Variants in SLC9B2 observed in about 807,000 individuals in gnomAD.
SLC9B2 encodes sodium/hydrogen exchanger 9B2.
Under a neutral mutation model 52.2 loss-of-function variants are expected in SLC9B2, and 39 were observed. The ratio of observed to expected loss-of-function variants is 0.75; its 90% CI spans 0.58 to 0.98. The LOEUF (loss-of-function observed/expected upper bound fraction) is 0.98. Ranked by LOEUF, SLC9B2 falls within the 50% of genes least tolerant of loss-of-function variation. SLC9B2 has a pLI of 0.00. For missense variants in SLC9B2, 626 were observed against 637.5 expected (o/e 0.98, Z 0.19); for synonymous variants, 214 against 227.0 (o/e 0.94, Z 0.51).
Position 103,047,122 on chromosome 4 carries a change from G to A in SLC9B2, c.818C>T (p.Ala273Val), listed in dbSNP as rs1004043221. ...CAGAATGTCATCGAAGCTGCCAGCTGCCATGAGCAAGGTTGGGACACCCTT... is the reference window on the plus strand; with the variant it reads ...CAGAATGTCATCGAAGCTGCCAGCTACCATGAGCAAGGTTGGGACACCCTT... ...VEKGVPTLLM[A>V]AGSFDDILAI... The change falls in exon 7 of 12, where the codon GCA becomes GTA. Residue 273 changes from alanine to valine, a missense_variant. Coordinates refer to ENST00000394785, the MANE Select transcript of SLC9B2 (RefSeq NM_178833.7). 1 of 1,614,036 alleles carries A rather than the reference G, an allele frequency of 6.2e-7. No individual in the cohort carries two copies. Among genetic ancestry groups the A allele is most frequent in the Non-Finnish European group, 8.5e-7 (1 of 1,179,948 alleles).
intron 8 of SLC9B2, 80 bp downstream of exon 8, chr4:103,044,810 C>T: frequency 8.9e-7 from 1 of 1,124,636 alleles, no homozygotes; most frequent in Non-Finnish European, 1.3e-6. Flanking sequence ...TCCTTCACAT[C>T]TGTCTTTGAA....
At chr4:103,041,612 C>T (rs1743650677) in intron 9 of SLC9B2, among the ~76,000 whole-genome samples, 1 of 152,132 alleles carries the variant, frequency 6.6e-6, no homozygotes, top group Non-Finnish European at 1.5e-5. Flanking sequence ...ATTGCTCCTT[C>T]TCATTGTTTA....
chr4:103,062,377 C>T (rs538513690), intron 3 of SLC9B2, among the ~76,000 whole-genome samples: 35 of 151,524 alleles, frequency 2.3e-4, no homozygotes, highest in African/African-American at 8.5e-4. Context: ...CGAGATCGAG[C>T]CATTGCACTC....
At chr4:103,072,920 T>G (rs914729154) in intron 1 of SLC9B2, among the ~76,000 whole-genome samples, 1 of 152,154 alleles carries the variant, frequency 6.6e-6, no homozygotes, top group Admixed American at 6.5e-5. Flanking sequence ...CACTCAACCC[T>G]CATGAATGGG....
intron 4 of SLC9B2, among the ~76,000 whole-genome samples, chr4:103,053,771 C>T (rs536667152): frequency 5.9e-5 from 9 of 151,708 alleles, no homozygotes; most frequent in Non-Finnish European, 1.0e-4. Flanking sequence ...GGTGCGGTTT[C>T]GGCTCACTGC....
intron 10 of SLC9B2, among the ~76,000 whole-genome samples, chr4:103,030,087 A>G (rs887898933): frequency 2.0e-5 from 3 of 152,158 alleles, no homozygotes; most frequent in Non-Finnish European, 2.9e-5. Context: ...GGAAACATTG[A>G]AAGTTTGAGA....
At chr4:103,027,176 T>C (rs1303792305) in intron 11 of SLC9B2, among the ~76,000 whole-genome samples, 3 of 152,280 alleles carry the variant, frequency 2.0e-5, no homozygotes, top group Non-Finnish European at 4.4e-5. Context: ...AAATCCAGAA[T>C]CACAATATTA....
chr4:103,033,201 C>T (rs1038205582), intron 9 of SLC9B2, among the ~76,000 whole-genome samples: 1 of 151,898 alleles, frequency 6.6e-6, no homozygotes, highest in Non-Finnish European at 1.5e-5. Flanking sequence ...AAAAAAGTGA[C>T]AAACTAGAAG....
intron 6 of SLC9B2, among the ~76,000 whole-genome samples, chr4:103,047,466 A>G (rs1390319821): frequency 1.3e-5 from 2 of 151,442 alleles, no homozygotes; most frequent in Non-Finnish European, 2.9e-5. Flanking sequence ...ATATGTATAC[A>G]TGTGCCATGT....
Position 103,043,381 on chromosome 4 carries a change from C to T in SLC9B2, c.1061G>A (p.Ser354Asn). ...TGATCCAGGGAAACCAAAATGCACACTGCTGAACACAGCTAGCACAGACAA... is the reference window on the plus strand; with the variant it reads ...TGATCCAGGGAAACCAAAATGCACATTGCTGAACACAGCTAGCACAGACAA... Reference protein sequence around the residue: ...LGLSVLAVFSSVHFGFPGSGG... With the variant: ...LGLSVLAVFSNVHFGFPGSGG... Residue 354 changes from serine (S) to asparagine (N), a missense_variant, in exon 9 of 12, where the codon AGT becomes AAT. Physicochemically the swap from Ser to Asn is conservative, Grantham distance 46. Coordinates refer to ENST00000394785, the MANE Select transcript of SLC9B2 (RefSeq NM_178833.7). 6.2e-7 allele frequency: 1 copy of T among 1,613,904 alleles called. No homozygotes were observed. Among genetic ancestry groups the T allele is most frequent in the Non-Finnish European group, 8.5e-7 (1 of 1,179,920 alleles).
At chr4:103,057,246 A>G (rs1745206470) in intron 4 of SLC9B2, among the ~76,000 whole-genome samples, 1 of 31,526 alleles carries the variant, frequency 3.2e-5, no homozygotes, top group Non-Finnish European at 5.2e-5. Flanking sequence ...AATTTTAAGT[A>G]TATATATATA....
At chr4:103,039,583 G>C (rs533273668) in intron 9 of SLC9B2, among the ~76,000 whole-genome samples, 2 of 151,646 alleles carry the variant, frequency 1.3e-5, no homozygotes, top group Admixed American at 1.3e-4. Flanking sequence ...ACACGACAGA[G>C]TCAATAAACA....
In SLC9B2 at chr4:103,022,564, T is replaced by TA. The variant is rs1741869821; in HGVS notation, c.*3805dup. On this transcript the variant is annotated 3_prime_UTR_variant, in exon 12 of 12. Transcript: ENST00000394785. Reference sequence around the variant, plus strand: ...TTTGCAATGAAAATGTGTTACTTTATAATCAGAAAAAAATACTATTTTTAA... The same window carrying TA: ...TTTGCAATGAAAATGTGTTACTTTATAAATCAGAAAAAAATACTATTTTTAA... Among the ~76,000 whole-genome samples, 1 of 152,232 alleles carries TA rather than the reference T, an allele frequency of 6.6e-6. No individual in the cohort carries two copies. The highest frequency in any genetic ancestry group is 6.5e-5 in the Admixed American group (1 of 15,290).
In SLC9B2 at chr4:103,044,890, C is replaced by G; in HGVS notation, c.996G>C (p.Gln332His). 6.2e-7 allele frequency: 1 copy of G among 1,610,088 alleles called. No individual in the cohort carries two copies. Among genetic ancestry groups the G allele is most frequent in the Non-Finnish European group, 8.5e-7 (1 of 1,176,742 alleles). ...CTTTCCCACATATTATTTCTTTCAC[C>G]TGGTCACGGCTTGGAAAGTACTGAA... ...FFIQYFPSRD[Q>H]DKLVCKRTFL... Residue 332 changes from glutamine (Q) to histidine (H), a missense_variant and splice_region_variant, in exon 8 of 12, where the codon CAG (glutamine) becomes CAC (histidine). Gln to His is a conservative substitution (Grantham distance 24, BLOSUM62 0). Transcript: ENST00000394785.
intron 9 of SLC9B2, among the ~76,000 whole-genome samples, chr4:103,034,973 T>C (rs1326388237): frequency 2.0e-5 from 3 of 152,306 alleles, no homozygotes; most frequent in East Asian, 3.9e-4. Context: ...TTTGATACTT[T>C]TTAATTTTTT....
rs1742068210 is a variant in SLC9B2, at chr4:103,024,847, A to AAGT, written c.*1520_*1522dup. Among the ~76,000 whole-genome samples the AAGT allele has an allele frequency of 6.6e-6, 1 of 152,232 alleles. No individual in the cohort carries two copies. Among genetic ancestry groups the AAGT allele is most frequent in the African/African-American group, 2.4e-5 (1 of 41,456 alleles). ...ACAAAAGCAGAGATGGCCTGTTACA[A>AAGT]AGTAGGATAAAATATGACCTATGCA... On this transcript the variant is annotated 3_prime_UTR_variant, in exon 12 of 12. Transcript: ENST00000394785.
chr4:103,068,555 T>C (rs1746347866), intron 1 of SLC9B2, among the ~76,000 whole-genome samples: 1 of 152,256 alleles, frequency 6.6e-6, no homozygotes, highest in Non-Finnish European at 1.5e-5. Flanking sequence ...GGATAGTAGA[T>C]AAGTAAGATA....
intron 10 of SLC9B2, among the ~76,000 whole-genome samples, chr4:103,030,696 T>C (rs929578931): frequency 2.0e-5 from 3 of 152,044 alleles, no homozygotes; most frequent in African/African-American, 4.8e-5. Context: ...ATTATTTTAA[T>C]TGTAGTAAAA....
chr4:103,048,007 T>C (rs1160406455), intron 6 of SLC9B2, among the ~76,000 whole-genome samples: 2 of 152,148 alleles, frequency 1.3e-5, no homozygotes, highest in African/African-American at 2.4e-5. Context: ...AAAAAATTCA[T>C]GTTATAAGGT....
Sources: allele counts gnomAD v4.1 joint callset (sites outside exome capture counted in the v4.1 genomes callset), GRCh38; gene constraint gnomAD v4.1.1; transcripts MANE v1.5; gene names NCBI Gene and HGNC (gene_info 2026-07-23, HGNC 2026-07-21).